KIRREL3: variants seen among roughly 807,000 people sequenced by gnomAD.
KIRREL3 encodes kirre like nephrin family adhesion molecule 3.
Under a neutral mutation model 89.7 loss-of-function variants are expected in KIRREL3, and 36 were observed. The ratio of observed to expected loss-of-function variants is 0.40; its 90% CI spans 0.31 to 0.53. The LOEUF is 0.53. Among genes scored for constraint, KIRREL3 ranks in the 20% least tolerant of loss-of-function variants. The pLI is 0.49. For missense variants in KIRREL3, 864 were observed against 1,056.6 expected, an observed-to-expected ratio of 0.82 and a Z score of 2.53; for synonymous variants, 445 against 441.4, an observed-to-expected ratio of 1.01 and a Z score of -0.10.
In KIRREL3 at chr11:126,528,039, G is replaced by T. The variant is rs764468035; in HGVS notation, c.134-1352C>A. Among the ~76,000 whole-genome samples the T allele has an allele frequency of 4.6e-5, 7 of 152,302 alleles. No homozygotes were observed. The highest frequency in any genetic ancestry group is 8.8e-5 in the Non-Finnish European group (6 of 68,020). ...AGAAAAAGCCCCACTTTACAACAAA[G>T]AAACCAGGATCAGAGAGGCACAGTA... On this transcript the variant is annotated intron_variant, in intron 2 of 16. Transcript: ENST00000525144. This position sits in a 1 kb window ranked among gnomAD's most constrained non-coding sequence, Gnocchi z 4.6.
intron 1 of KIRREL3, among the ~76,000 whole-genome samples, chr11:126,848,390 T>C (rs963253816): frequency 2.0e-5 from 3 of 152,240 alleles, no homozygotes; most frequent in African/African-American, 7.2e-5. Flanking sequence ...TCAAGAACTA[T>C]GGTATACCTG....
chr11:126,665,393 G>C (rs1189262258), intron 1 of KIRREL3, among the ~76,000 whole-genome samples: 1 of 152,130 alleles, frequency 6.6e-6, no homozygotes, highest in Non-Finnish European at 1.5e-5. Context: ...ATTTTAATGA[G>C]AACATGCTGT....
chr11:126,642,972 T>C lies in KIRREL3; in HGVS notation c.56-80060A>G, dbSNP rs1198120130. 7.1e-6 allele frequency among the ~76,000 whole-genome samples: 1 copy of C among 140,812 alleles called. No individual in the cohort carries two copies. 92.4% of individuals were successfully genotyped at this position (140,812 alleles called of 152,430 possible). A position where few individuals can be genotyped will look rare whatever the true frequency, so the allele number is the denominator to read the frequency against. On this transcript the variant is annotated intron_variant, in intron 1 of 16. Coordinates refer to ENST00000525144, the MANE Select transcript of KIRREL3 (RefSeq NM_032531.4). This position sits in a 1 kb window ranked among gnomAD's most constrained non-coding sequence, Gnocchi z 4.9. The stretch of plus-strand genomic sequence containing the variant: ...AGGGTAAAAAAAAGGTACTTTGGCC[T>C]CCCTTCTTCCCTCCCATCCATCCAT...
rs1384375565 is a variant in KIRREL3, at chr11:126,879,486, T to A, written c.55+120969A>T. On this transcript the variant is annotated intron_variant, in intron 1 of 16. Coordinates refer to ENST00000525144, the MANE Select transcript of KIRREL3 (RefSeq NM_032531.4). The surrounding 1 kb of genome is among the most constrained non-coding windows in gnomAD (Gnocchi z 5.4). ...GTCATGCCGTTAAGATAACTATAGGTCCTTCTGATCAACACCATGGTCCTT... is the reference window on the plus strand; with the variant it reads ...GTCATGCCGTTAAGATAACTATAGGACCTTCTGATCAACACCATGGTCCTT... 6.6e-6 allele frequency among the ~76,000 whole-genome samples: 1 copy of A among 152,082 alleles called. No homozygotes were observed.
chr11:126,648,653 C>A (rs937979038), intron 1 of KIRREL3, among the ~76,000 whole-genome samples: 1 of 152,116 alleles, frequency 6.6e-6, no homozygotes, highest in African/African-American at 2.4e-5. Context: ...TGTATCAATG[C>A]CTAGTGCACA....
chr11:126,469,759 G>A (rs1277233076), intron 5 of KIRREL3, among the ~76,000 whole-genome samples: 2 of 152,228 alleles, frequency 1.3e-5, no homozygotes, highest in East Asian at 1.9e-4. Flanking sequence ...GGGACACAGG[G>A]CCTCTTCCCA....
chr11:126,849,499 G>A (rs1219802356), intron 1 of KIRREL3, among the ~76,000 whole-genome samples: 72 of 152,058 alleles, frequency 4.7e-4, no homozygotes, highest in East Asian at 1.9e-4. Context: ...TCTCTGGATT[G>A]AGGCCCCTTT....
In KIRREL3 at chr11:126,883,672, T is replaced by C. The variant is rs1945590687; in HGVS notation, c.55+116783A>G. ...CATTTACTTCCTTACACATAGACTT[T>C]TTCCATTCCCACTTCACACTGTGAG... is the stretch of plus-strand genomic sequence containing the variant. On this transcript the variant is annotated intron_variant, in intron 1 of 16. Transcript: ENST00000525144. The surrounding 1 kb of genome is among the most constrained non-coding windows in gnomAD (Gnocchi z 4.1). 6.6e-6 allele frequency among the ~76,000 whole-genome samples: 1 copy of C among 152,152 alleles called. No individual in the cohort carries two copies. The highest frequency in any genetic ancestry group is 2.4e-5 in the African/African-American group (1 of 41,426).
intron 1 of KIRREL3, among the ~76,000 whole-genome samples, chr11:126,738,709 G>C (rs1388080239): frequency 6.6e-6 from 1 of 152,128 alleles, no homozygotes; most frequent in Admixed American, 6.6e-5. Context: ...ATGTCCTTTT[G>C]TGTTTTTCTC....
At chr11:126,726,525 G>A (rs1404171140) in intron 1 of KIRREL3, among the ~76,000 whole-genome samples, 4 of 152,072 alleles carry the variant, frequency 2.6e-5, no homozygotes, top group East Asian at 1.9e-4. Context: ...GCACCGCCAC[G>A]CCTGGCTAAA....
intron 1 of KIRREL3, among the ~76,000 whole-genome samples, chr11:126,749,250 C>T (rs1949254700): frequency 6.6e-6 from 1 of 152,218 alleles, no homozygotes; most frequent in Admixed American, 6.5e-5. Flanking sequence ...TGTGTTCCCG[C>T]TGAGCCGGAT....
At chr11:126,465,057 G>A (rs1389437687) in intron 5 of KIRREL3, among the ~76,000 whole-genome samples, 4 of 152,092 alleles carry the variant, frequency 2.6e-5, no homozygotes, top group Non-Finnish European at 4.4e-5. Context: ...GGTGCACCCC[G>A]GGGAGGGTGT....
At position 126,708,063 on chromosome 11, in the gene KIRREL3, C is replaced by G. The variant is rs750577243; in HGVS notation, c.56-145151G>C. Reference sequence around the variant, plus strand: ...CCGCATCCCTGAAGCAGGTGATGATCTCCATAGGTCCCAGGGTATCCGTGC... The same window carrying G: ...CCGCATCCCTGAAGCAGGTGATGATGTCCATAGGTCCCAGGGTATCCGTGC... On this transcript the variant is annotated intron_variant, in intron 1 of 16. Coordinates refer to ENST00000525144, the MANE Select transcript of KIRREL3 (RefSeq NM_032531.4). This position sits in a 1 kb window ranked among gnomAD's most constrained non-coding sequence, Gnocchi z 5.7. Among the ~76,000 whole-genome samples, 1 of 152,154 alleles carries G rather than the reference C, an allele frequency of 6.6e-6. No homozygotes were observed. Among genetic ancestry groups the G allele is most frequent in the East Asian group, 1.9e-4 (1 of 5,190 alleles).
intron 5 of KIRREL3, among the ~76,000 whole-genome samples, chr11:126,466,830 A>G (rs913600316): frequency 6.6e-6 from 1 of 152,156 alleles, no homozygotes; most frequent in African/African-American, 2.4e-5. Flanking sequence ...CTGCTTCAGA[A>G]AGCTTCATGC....
intron 1 of KIRREL3, among the ~76,000 whole-genome samples, chr11:126,790,725 T>C (rs1950612712): frequency 6.6e-6 from 1 of 151,998 alleles, no homozygotes; most frequent in Non-Finnish European, 1.5e-5. Flanking sequence ...CCAACCCTAA[T>C]CGCAGACGTG....
rs1323062016 is a variant in KIRREL3, at chr11:126,830,312, A to G, written c.55+170143T>C. Among the ~76,000 whole-genome samples the G allele has an allele frequency of 6.6e-6, 1 of 152,212 alleles. No homozygotes were observed. Among genetic ancestry groups the G allele is most frequent in the Non-Finnish European group, 1.5e-5 (1 of 68,026 alleles). On this transcript the variant is annotated intron_variant, in intron 1 of 16. Transcript: ENST00000525144. The surrounding 1 kb of genome is among the most constrained non-coding windows in gnomAD (Gnocchi z 4.9). ...TTAATAATATTTTGTTTGGGTTCCC[A>G]CTTGCCACTTTCCATCCTCCTGCTT...
intron 1 of KIRREL3, among the ~76,000 whole-genome samples, chr11:126,671,493 A>T (rs1355772814): frequency 6.6e-6 from 1 of 152,244 alleles, no homozygotes; most frequent in Non-Finnish European, 1.5e-5. Flanking sequence ...GAAAAAGACA[A>T]GTCATTGACC....
At chr11:126,478,637 G>A (rs996902078) in intron 4 of KIRREL3, among the ~76,000 whole-genome samples, 3 of 147,754 alleles carry the variant, frequency 2.0e-5, no homozygotes, top group South Asian at 2.1e-4. Context: ...GTATGCGTGT[G>A]TATGTGTGTA....
intron 1 of KIRREL3, among the ~76,000 whole-genome samples, chr11:126,590,856 C>G (rs1363026974): frequency 6.6e-6 from 1 of 152,166 alleles, no homozygotes; most frequent in Non-Finnish European, 1.5e-5. Context: ...TCCCTGTTCT[C>G]CCCACCCCTT....
Sources: allele counts gnomAD v4.1 joint callset (sites outside exome capture counted in the v4.1 genomes callset), GRCh38; gene constraint gnomAD v4.1.1; non-coding constraint Gnocchi (gnomAD v3.1); transcripts MANE v1.5; gene names NCBI Gene and HGNC (gene_info 2026-07-23, HGNC 2026-07-21).